The following CSMD1 variants were observed in gnomAD, a reference collection of about 807,000 sequenced individuals.
CSMD1 encodes the protein CUB and Sushi multiple domains 1.
In CSMD1, 213 loss-of-function variants were observed where a neutral mutation model predicts 417.5. That is an observed-to-expected ratio of 0.51 (90% CI 0.46 to 0.57). CSMD1 has a LOEUF of 0.57. Ranked by LOEUF, CSMD1 falls within the 20% of genes least tolerant of loss-of-function variation. The probability of loss-of-function intolerance (pLI) is 0.00; values close to 1 mark genes in which losing one functional copy is unlikely to be tolerated. For missense variants in CSMD1, 6,923 were observed against 4,529.7 expected, an observed-to-expected ratio of 1.53 and a Z score of -15.17; for synonymous variants, 2,862 against 1,736.8, an observed-to-expected ratio of 1.65 and a Z score of -16.11.
intron 2 of CSMD1, among the ~76,000 whole-genome samples, chr8:4,609,388 G>A (rs930746678): frequency 6.6e-6 from 1 of 152,158 alleles, no homozygotes; most frequent in East Asian, 1.9e-4. Context: ...GTGACAGGGT[G>A]AGACCCTGTC....
intron 46 of CSMD1, among the ~76,000 whole-genome samples, chr8:3,100,568 C>G (rs1361043653): frequency 3.3e-5 from 5 of 152,194 alleles, no homozygotes; most frequent in Non-Finnish European, 7.3e-5. Flanking sequence ...ATCTGGGAAA[C>G]CTCTCACCAT....
At chr8:3,926,114 C>CACACACACACAAACACCAT (rs1809702812) in intron 5 of CSMD1, among the ~76,000 whole-genome samples, 1 of 106,530 alleles carries the variant, frequency 9.4e-6, no homozygotes, top group Non-Finnish European at 1.9e-5. Flanking sequence ...CACACACACA[C>CACACACACACAAACACCAT]ACACACACAC....
chr8:4,319,401 C>T (rs191409786), intron 3 of CSMD1, among the ~76,000 whole-genome samples: 45 of 152,174 alleles, frequency 3.0e-4, no homozygotes, highest in East Asian at 1.6e-3. Flanking sequence ...GGCCCATAAT[C>T]GATACGTGAG....
intron 11 of CSMD1, among the ~76,000 whole-genome samples, chr8:3,475,101 T>C (rs1034066032): frequency 1.5e-4 from 23 of 152,278 alleles, no homozygotes; most frequent in African/African-American, 5.3e-4. Context: ...AATCCTTGTA[T>C]GGACTGTCAA....
chr8:3,126,273 T>C (rs1170062340), intron 41 of CSMD1, among the ~76,000 whole-genome samples: 1 of 152,222 alleles, frequency 6.6e-6, no homozygotes, highest in Non-Finnish European at 1.5e-5. Context: ...TAAAGCTTAG[T>C]CTTGATGGAA....
intron 3 of CSMD1, among the ~76,000 whole-genome samples, chr8:4,396,966 G>C (rs1038793376): frequency 6.6e-6 from 1 of 151,850 alleles, no homozygotes; most frequent in Admixed American, 6.6e-5. Context: ...CAAAGTCTCA[G>C]AAATCACTAA....
chr8:3,897,099 A>T (rs1389138909), intron 5 of CSMD1, among the ~76,000 whole-genome samples: 1 of 152,186 alleles, frequency 6.6e-6, no homozygotes, highest in Non-Finnish European at 1.5e-5. Context: ...TCAATACTGG[A>T]TGTATTCATG....
intron 3 of CSMD1, among the ~76,000 whole-genome samples, chr8:4,266,457 T>G (rs1182371080): frequency 9.5e-6 from 1 of 104,844 alleles, no homozygotes; most frequent in African/African-American, 2.6e-5. Flanking sequence ...GATGATTGGT[T>G]AGATAGAAGC....
chr8:3,733,000 G>C lies in CSMD1; in HGVS notation c.931+20930C>G, dbSNP rs1019307504. Among the ~76,000 whole-genome samples the C allele has an allele frequency of 4.6e-5, 7 of 151,924 alleles. No homozygotes were observed. The South Asian group carries it at 8.3e-4, about 18-fold the overall frequency. On this transcript the variant is annotated intron_variant, in intron 6 of 69. Coordinates refer to ENST00000635120, the MANE Select transcript of CSMD1 (RefSeq NM_033225.6). ...CAACCTACCTACCTACCTACCTAAAGATACGTGTGCCCTGATCAAGGGAAA... is the reference window on the plus strand; with the variant it reads ...CAACCTACCTACCTACCTACCTAAACATACGTGTGCCCTGATCAAGGGAAA...
rs10692207 is a variant in CSMD1, at chr8:4,925,215, G to GTTTTTTTTTTT, written c.85+69106_85+69116dup. On this transcript the variant is annotated intron_variant, in intron 1 of 69. Coordinates refer to ENST00000635120, the MANE Select transcript of CSMD1 (RefSeq NM_033225.6). The stretch of plus-strand genomic sequence containing the variant: ...AAACATGGTGAATACCAGTTTTATG[G>GTTTTTTTTTTT]TTTTTTTTTTTTTTTTTTTTTTTTT... Among the ~76,000 whole-genome samples the GTTTTTTTTTTT allele has an allele frequency of 9.8e-4, 71 of 72,730 alleles. 5 individuals are homozygous for GTTTTTTTTTTT. The highest frequency in any genetic ancestry group is 1.5e-3 in the Admixed American group (6 of 3,942). 47.7% of individuals were successfully genotyped at this position (72,730 alleles called of 152,430 possible).
At chr8:3,643,249 C>A (rs949490358) in intron 7 of CSMD1, among the ~76,000 whole-genome samples, 1 of 151,376 alleles carries the variant, frequency 6.6e-6, no homozygotes, top group African/African-American at 2.4e-5. Context: ...AGAACAAAGA[C>A]AAAGAGAAGA....
chr8:3,067,083 T>G (rs968671838), intron 49 of CSMD1, among the ~76,000 whole-genome samples: 3 of 117,746 alleles, frequency 2.5e-5, no homozygotes, highest in East Asian at 3.9e-4. Context: ...GCCTGGGGCC[T>G]GGCACAGAAC....
intron 3 of CSMD1, among the ~76,000 whole-genome samples, chr8:4,324,610 C>G (rs1799448489): frequency 6.6e-6 from 1 of 152,166 alleles, no homozygotes; most frequent in Non-Finnish European, 1.5e-5. Flanking sequence ...AGGTCAGTGG[C>G]CATTTATGAC....
At chr8:4,325,902 A>T (rs1286194888) in intron 3 of CSMD1, among the ~76,000 whole-genome samples, 4 of 152,098 alleles carry the variant, frequency 2.6e-5, no homozygotes, top group South Asian at 4.1e-4. Flanking sequence ...GTCAGAATAT[A>T]ATAGAGCAGA....
intron 31 of CSMD1, among the ~76,000 whole-genome samples, chr8:3,204,830 A>G (rs995503546): frequency 6.6e-6 from 1 of 152,256 alleles, no homozygotes; most frequent in African/African-American, 2.4e-5. Flanking sequence ...GATGACAGCT[A>G]CTATCTGGTT....
chr8:3,111,196 G>A (rs747519521), intron 42 of CSMD1, among the ~76,000 whole-genome samples: 1 of 152,254 alleles, frequency 6.6e-6, no homozygotes, highest in Middle Eastern at 3.4e-3. Flanking sequence ...GAGGAAAAAG[G>A]CCCAAATACA....
intron 3 of CSMD1, among the ~76,000 whole-genome samples, chr8:4,134,957 G>A (rs1380061273): frequency 4.6e-5 from 7 of 152,086 alleles, no homozygotes; most frequent in Non-Finnish European, 1.0e-4. Flanking sequence ...CACATCTGTT[G>A]TATACTAGGC....
chr8:3,969,421 C>T (rs1272202198), intron 5 of CSMD1, among the ~76,000 whole-genome samples: 1 of 152,158 alleles, frequency 6.6e-6, no homozygotes, highest in Non-Finnish European at 1.5e-5. Context: ...TTCCATGCAG[C>T]AGCCTGGAGA....
At chr8:2,963,102 T>A (rs900399637) in intron 60 of CSMD1, 120 bp downstream of exon 60, 1 of 1,105,732 alleles carries the variant, frequency 9.0e-7, no homozygotes. Flanking sequence ...TTTTTGTGTA[T>A]TTTAGGGCTA....
Sources: allele counts gnomAD v4.1 joint callset (sites outside exome capture counted in the v4.1 genomes callset), GRCh38; gene constraint gnomAD v4.1.1; transcripts MANE v1.5; gene names NCBI Gene and HGNC (gene_info 2026-07-23, HGNC 2026-07-21).